Variants in PTPRM observed in about 807,000 individuals in gnomAD.
The protein encoded by PTPRM is receptor-type tyrosine-protein phosphatase mu.
Under a neutral mutation model 186.7 loss-of-function variants are expected in PTPRM, and 47 were observed. That is an observed-to-expected ratio of 0.25 (90% CI 0.20 to 0.32). The LOEUF (loss-of-function observed/expected upper bound fraction) is 0.32, where lower values mean the gene tolerates loss of function less well. Among genes scored for constraint, PTPRM ranks in the 10% least tolerant of loss-of-function variants. The pLI is 1.00. For missense variants in PTPRM, 1,494 were observed against 1,865.0 expected (o/e 0.80, Z 3.66); for synonymous variants, 668 against 674.9 (o/e 0.99, Z 0.16).
intron 19 of PTPRM, among the ~76,000 whole-genome samples, chr18:8,280,094 G>C (rs1472794998): frequency 6.6e-6 from 1 of 152,172 alleles, no homozygotes; most frequent in African/African-American, 2.4e-5. Flanking sequence ...TGCTAGACTG[G>C]GTGGCTCACA....
At chr18:7,786,776 G>T (rs145229103) in intron 2 of PTPRM, among the ~76,000 whole-genome samples, 61 of 152,300 alleles carry the variant, frequency 4.0e-4, no homozygotes, top group Non-Finnish European at 3.7e-4. Flanking sequence ...GGAGTGACAG[G>T]CTGCAATTTG....
At chr18:8,073,315 C>G (rs908019064) in intron 8 of PTPRM, among the ~76,000 whole-genome samples, 7 of 152,236 alleles carry the variant, frequency 4.6e-5, no homozygotes, top group African/African-American at 1.7e-4. Context: ...AATAGAGTCA[C>G]TCATCTTAGT....
At chr18:7,790,035 T>C (rs1174918284) in intron 2 of PTPRM, among the ~76,000 whole-genome samples, 1 of 152,168 alleles carries the variant, frequency 6.6e-6, no homozygotes. Flanking sequence ...CCCCAGCAGA[T>C]GGAGACGTGG....
At chr18:7,844,033 A>G in intron 2 of PTPRM, among the ~76,000 whole-genome samples, 1 of 152,222 alleles carries the variant, frequency 6.6e-6, no homozygotes, top group East Asian at 1.9e-4. Context: ...CTGAGGGGGC[A>G]GGTGGTCACT....
At chr18:8,162,073 A>T (rs2093240426) in intron 14 of PTPRM, among the ~76,000 whole-genome samples, 1 of 151,004 alleles carries the variant, frequency 6.6e-6, no homozygotes, top group Non-Finnish European at 1.5e-5. Context: ...TTCTCATAAG[A>T]CTACAGTTAA....
intron 4 of PTPRM, among the ~76,000 whole-genome samples, chr18:7,910,881 C>A (rs1001125935): frequency 4.6e-5 from 7 of 152,160 alleles, no homozygotes; most frequent in African/African-American, 1.7e-4. Flanking sequence ...TCTAGGAAGT[C>A]AGCATGATTC....
chr18:7,861,977 A>T (rs2047409957), intron 2 of PTPRM, among the ~76,000 whole-genome samples: 1 of 152,130 alleles, frequency 6.6e-6, no homozygotes, highest in African/African-American at 2.4e-5. Flanking sequence ...TTTGAAAACC[A>T]CTTTATAATG....
At chr18:8,276,928 G>A (rs992537862) in intron 19 of PTPRM, among the ~76,000 whole-genome samples, 3 of 144,426 alleles carry the variant, frequency 2.1e-5, no homozygotes, top group Admixed American at 1.5e-4. Context: ...GATTTGTAGA[G>A]ATTTGCCAAA....
At chr18:7,793,593 G>A (rs113632000) in intron 2 of PTPRM, among the ~76,000 whole-genome samples, 4 of 152,238 alleles carry the variant, frequency 2.6e-5, no homozygotes, top group African/African-American at 9.6e-5. Context: ...TGGAAATTTG[G>A]CTAAAAGTTG....
intron 1 of PTPRM, among the ~76,000 whole-genome samples, chr18:7,585,874 G>A (rs1474275520): frequency 6.6e-6 from 1 of 152,174 alleles, no homozygotes; most frequent in African/African-American, 2.4e-5. Flanking sequence ...TGAGGCACTG[G>A]GTGGTGCCTT....
At chr18:7,666,505 A>G (rs550728695) in intron 1 of PTPRM, among the ~76,000 whole-genome samples, 1 of 152,298 alleles carries the variant, frequency 6.6e-6, no homozygotes, top group African/African-American at 2.4e-5. Flanking sequence ...TATTTAATAG[A>G]AAGACACCAG....
chr18:7,936,511 G>A (rs547690335), intron 5 of PTPRM, among the ~76,000 whole-genome samples: 1 of 152,296 alleles, frequency 6.6e-6, no homozygotes, highest in African/African-American at 2.4e-5. Flanking sequence ...TGCCGCCTCA[G>A]CCCCTTCCTG....
At chr18:8,207,269 A>G (rs1221662710) in intron 14 of PTPRM, among the ~76,000 whole-genome samples, 1 of 152,218 alleles carries the variant, frequency 6.6e-6, no homozygotes. Flanking sequence ...CAGAATAGAA[A>G]TTGGTACAGT....
intron 14 of PTPRM, among the ~76,000 whole-genome samples, chr18:8,239,195 T>C (rs1032471887): frequency 5.3e-5 from 7 of 131,472 alleles, no homozygotes; most frequent in African/African-American, 2.0e-4. Flanking sequence ...CCTTCCTGTC[T>C]CCATGTGTTC....
chr18:8,379,304 G>A lies in PTPRM; in HGVS notation c.3750G>A (p.Gly1250=), dbSNP rs779570145. ...RCLPFLITID[G]ESSNYINAAL... is the part of the protein sequence containing the mutation. ...TGCCCTTCCTCATCACCATCGATGGGGAGAGCAGCAACTACATCAATGCTG... is the reference window on the plus strand; with the variant it reads ...TGCCCTTCCTCATCACCATCGATGGAGAGAGCAGCAACTACATCAATGCTG... Residue 1250 remains glycine, a synonymous_variant, in exon 28 of 33, where the codon GGG becomes GGA. Transcript: ENST00000580170. 19 of 1,613,590 alleles carry A rather than the reference G, an allele frequency of 1.2e-5. No individual in the cohort carries two copies. The highest frequency in any genetic ancestry group is 1.4e-5 in the Non-Finnish European group (17 of 1,179,916).
At chr18:7,699,018 G>A (rs924315865) in intron 1 of PTPRM, among the ~76,000 whole-genome samples, 8 of 152,204 alleles carry the variant, frequency 5.3e-5, no homozygotes, top group African/African-American at 1.7e-4. Flanking sequence ...ACATCAGGAC[G>A]TGAGTGGCAG....
At chr18:8,224,560 C>A (rs899416013) in intron 14 of PTPRM, among the ~76,000 whole-genome samples, 1 of 152,166 alleles carries the variant, frequency 6.6e-6, no homozygotes, top group Non-Finnish European at 1.5e-5. Flanking sequence ...TCAAGCCAGC[C>A]ATCCTGGTCA....
chr18:8,044,756 C>CAAAAAAAAAA (rs67620203), intron 7 of PTPRM, among the ~76,000 whole-genome samples: 1 of 104,586 alleles, frequency 9.6e-6, no homozygotes, highest in South Asian at 3.6e-4. Flanking sequence ...GACTCTGTCT[C>CAAAAAAAAAA]AAAAAAAAAA....
chr18:8,078,887 AG>A (rs1426375410), intron 9 of PTPRM, among the ~76,000 whole-genome samples: 1 of 152,122 alleles, frequency 6.6e-6, no homozygotes, highest in Non-Finnish European at 1.5e-5. Flanking sequence ...CTCATCACCA[AG>A]GGGGTGGCCC....
Sources: gnomAD v4.1 joint callset for allele counts (sites outside exome capture counted in the v4.1 genomes callset) on GRCh38, gnomAD v4.1.1 for gene constraint, MANE v1.5 for transcripts, NCBI Gene and HGNC (gene_info 2026-07-23, HGNC 2026-07-21) for gene names.